The following OSGIN2 variants were observed in gnomAD, a reference collection of about 807,000 sequenced individuals.
OSGIN2 encodes oxidative stress induced growth inhibitor family member 2, also known as oxidative stress-induced growth inhibitor 2.
A neutral mutation model predicts 53.8 loss-of-function variants in OSGIN2; 19 were observed. That is an observed-to-expected ratio of 0.35 (90% CI 0.25 to 0.52). OSGIN2 has a LOEUF of 0.52. Among genes scored for constraint, OSGIN2 ranks in the 20% least tolerant of loss-of-function variants. The probability of loss-of-function intolerance (pLI) is 0.95; values close to 1 mark genes in which losing one functional copy is unlikely to be tolerated. For missense variants in OSGIN2, 520 were observed against 662.7 expected, an observed-to-expected ratio of 0.78 and a Z score of 2.36; for synonymous variants, 236 against 236.0, an observed-to-expected ratio of 1.00 and a Z score of 0.00.
In OSGIN2 at chr8:89,914,766, C is replaced by T. The variant is rs376112174; in HGVS notation, c.528+20C>T. The T allele has an allele frequency of 2.2e-5, 34 of 1,576,656 alleles. No homozygotes were observed. Among genetic ancestry groups the T allele is most frequent in the Non-Finnish European group, 2.2e-5 (25 of 1,147,700 alleles). ...TGGCATGTGAGTATATTTTTCTTAGCATTTTAGTGTATGTGAATTATTTGT... is the reference window on the plus strand; with the variant it reads ...TGGCATGTGAGTATATTTTTCTTAGTATTTTAGTGTATGTGAATTATTTGT... On this transcript the variant is annotated intron_variant, in intron 4 of 5. Coordinates refer to ENST00000451899, the MANE Select transcript of OSGIN2 (RefSeq NM_001126111.3).
Position 89,924,959 on chromosome 8 carries a change from C to A in OSGIN2, c.1077C>A (p.Asp359Glu). The A allele has an allele frequency of 1.2e-6, 2 of 1,613,862 alleles. No individual in the cohort carries two copies. Among genetic ancestry groups the A allele is most frequent in the Non-Finnish European group, 1.7e-6 (2 of 1,179,682 alleles). ...LIVGSGLTAA[D>E]AVLCAYNSNI... ...TAGGTTCTGGGCTTACTGCCGCTGACGCAGTACTGTGTGCTTACAACAGTA... is the reference window on the plus strand; with the variant it reads ...TAGGTTCTGGGCTTACTGCCGCTGAAGCAGTACTGTGTGCTTACAACAGTA... Residue 359 changes from aspartate (D) to glutamate (E), a missense_variant, in exon 6 of 6, where the codon GAC (aspartate) becomes GAA (glutamate). Asp to Glu is a conservative substitution (Grantham distance 45). Transcript: ENST00000451899.
In OSGIN2 at chr8:89,926,678, A is replaced by G. The variant is rs1809340862; in HGVS notation, c.*1146A>G. ...GTTTACTGTCTGTGTTTTCACACAAACTGCTAGAATTTTTAATGTTAAGAC... is the reference window on the plus strand; with the variant it reads ...GTTTACTGTCTGTGTTTTCACACAAGCTGCTAGAATTTTTAATGTTAAGAC... On this transcript the variant is annotated 3_prime_UTR_variant, in exon 6 of 6. Coordinates refer to ENST00000451899, the MANE Select transcript of OSGIN2 (RefSeq NM_001126111.3). The G allele has an allele frequency of 6.6e-6, 1 of 152,214 alleles. No individual in the cohort carries two copies. Among genetic ancestry groups the G allele is most frequent in the Non-Finnish European group, 1.5e-5 (1 of 68,016 alleles). 9.4% of individuals were successfully genotyped at this position (152,214 alleles called of 1,614,324 possible).
In OSGIN2 at chr8:89,926,452, G is replaced by C. The variant is rs1355929825; in HGVS notation, c.*920G>C. On this transcript the variant is annotated 3_prime_UTR_variant, in exon 6 of 6. Transcript: ENST00000451899. ...CTGTCACTGAAACTGAGGTATTTGG[G>C]TGTGGTAAGTACTTCGAAAATTGTA... 1 of 152,602 alleles carries C rather than the reference G, an allele frequency of 6.6e-6. No homozygotes were observed. The highest frequency in any genetic ancestry group is 1.5e-5 in the Non-Finnish European group (1 of 68,010). The allele number at this position is 152,602 out of a possible 1,614,324, so 9.5% of individuals were successfully genotyped here. A position where few individuals can be genotyped will look rare whatever the true frequency, so the allele number is the denominator to read the frequency against.
In OSGIN2 at chr8:89,921,050, C is replaced by G; in HGVS notation, c.529-30C>G. 9 of 1,277,146 alleles carry G rather than the reference C, an allele frequency of 7.0e-6. 1 individual carries two copies. The highest frequency in any genetic ancestry group is 8.9e-6 in the Non-Finnish European group (8 of 902,940). 79.1% of individuals were successfully genotyped at this position (1,277,146 alleles called of 1,614,324 possible). ...AACCATGTTACTTCTTGTTTTTTGA[C>G]GGTACATTTTTTTTTTTAAACTCTA... is the stretch of plus-strand genomic sequence containing the variant. On this transcript the variant is annotated intron_variant, in intron 4 of 5. Coordinates refer to ENST00000451899, the MANE Select transcript of OSGIN2 (RefSeq NM_001126111.3).
Position 89,914,765 on chromosome 8 carries a change from G to A in OSGIN2, c.528+19G>A, listed in dbSNP as rs575388040. ...TTGGCATGTGAGTATATTTTTCTTA[G>A]CATTTTAGTGTATGTGAATTATTTG... On this transcript the variant is annotated intron_variant, in intron 4 of 5. Coordinates refer to ENST00000451899, the MANE Select transcript of OSGIN2 (RefSeq NM_001126111.3). 36 of 1,578,472 alleles carry A rather than the reference G, an allele frequency of 2.3e-5. No individual in the cohort carries two copies. The East Asian group carries it at 7.6e-4, about 33-fold the overall frequency.
At chr8:89,914,532 C>A (rs1173744683) in intron 3 of OSGIN2, 23 bp from the exon 4 acceptor site, 2 of 1,590,816 alleles carry the variant, frequency 1.3e-6, no homozygotes, top group Non-Finnish European at 1.7e-6. Flanking sequence ...TTTTCAAACT[C>A]TGTCTCCCTT....
intron 1 of OSGIN2, among the ~76,000 whole-genome samples, chr8:89,903,375 GATAAA>G (rs1350523049): frequency 1.3e-5 from 2 of 152,118 alleles, no homozygotes; most frequent in Non-Finnish European, 2.9e-5. Flanking sequence ...TTTTAGGGGT[GATAAA>G]ATATAATACA....
chr8:89,919,099 A>G (rs1215525920), intron 4 of OSGIN2, among the ~76,000 whole-genome samples: 1 of 152,090 alleles, frequency 6.6e-6, no homozygotes, highest in Non-Finnish European at 1.5e-5. Flanking sequence ...GTATCTCACC[A>G]TACTCCAATC....
chr8:89,908,189 G>A (rs1375747466), intron 1 of OSGIN2, among the ~76,000 whole-genome samples: 1 of 152,194 alleles, frequency 6.6e-6, no homozygotes, highest in African/African-American at 2.4e-5. Flanking sequence ...TAGTTGGAAT[G>A]AGTCAGAAAT....
At chr8:89,904,012 TG>T (rs538444346) in intron 1 of OSGIN2, among the ~76,000 whole-genome samples, 8 of 152,220 alleles carry the variant, frequency 5.3e-5, no homozygotes, top group Non-Finnish European at 1.0e-4. Flanking sequence ...AGAGAAAGTT[TG>T]GAACTTCTTT....
intron 2 of OSGIN2, among the ~76,000 whole-genome samples, chr8:89,912,933 G>A (rs553939939): frequency 1.2e-4 from 19 of 152,168 alleles, no homozygotes; most frequent in African/African-American, 3.1e-4. Flanking sequence ...GTGGGGGGCC[G>A]CAGGACTGGT....
chr8:89,920,678 C>G (rs1380024369), intron 4 of OSGIN2, among the ~76,000 whole-genome samples: 1 of 152,122 alleles, frequency 6.6e-6, no homozygotes, highest in East Asian at 1.9e-4. Context: ...GGAAAGCCAT[C>G]TAAAATTTTG....
chr8:89,903,537 A>G (rs1808773483), intron 1 of OSGIN2, among the ~76,000 whole-genome samples: 1 of 152,240 alleles, frequency 6.6e-6, no homozygotes, highest in Non-Finnish European at 1.5e-5. Flanking sequence ...CTTGCTTTAC[A>G]TATACTGATG....
chr8:89,903,971 G>T (rs1394886959), intron 1 of OSGIN2, among the ~76,000 whole-genome samples: 2 of 152,144 alleles, frequency 1.3e-5, no homozygotes. Flanking sequence ...GTTAAGAAGC[G>T]TCATCCTATA....
intron 2 of OSGIN2, 150 bp from the exon 3 acceptor site, chr8:89,913,927 G>A (rs1014036244): frequency 1.3e-5 from 9 of 677,026 alleles, no homozygotes; most frequent in Non-Finnish European, 2.3e-5. Flanking sequence ...AGAAGGCAGA[G>A]GTTAAAATCT....
chr8:89,909,037 A>AATATATATATAT (rs1252373741), intron 1 of OSGIN2, among the ~76,000 whole-genome samples: 3 of 84,868 alleles, frequency 3.5e-5, no homozygotes, highest in African/African-American at 2.2e-4. Context: ...AAAAAAAAAA[A>AATATATATATAT]ATATATATAT....
Position 89,912,856 on chromosome 8 carries a change from C to G in OSGIN2, c.200-1221C>G, listed in dbSNP as rs147635844. On this transcript the variant is annotated intron_variant, in intron 2 of 5. Coordinates refer to ENST00000451899, the MANE Select transcript of OSGIN2 (RefSeq NM_001126111.3). Reference sequence around the variant, plus strand: ...ACAGGGGACTAGGGAATAGGTGCTGCTGATTGGTTGGGGATGCCATGCTGG... The same window carrying G: ...ACAGGGGACTAGGGAATAGGTGCTGGTGATTGGTTGGGGATGCCATGCTGG... Among the ~76,000 whole-genome samples the G allele has an allele frequency of 4.6e-4, 70 of 152,036 alleles. 1 individual carries two copies. In the East Asian group the frequency reaches 0.011, roughly 24 times the overall value.
At chr8:89,913,328 G>A (rs866118312) in intron 2 of OSGIN2, among the ~76,000 whole-genome samples, 15 of 151,786 alleles carry the variant, frequency 9.9e-5, no homozygotes, top group Non-Finnish European at 1.2e-4. Context: ...GAAGACAGCC[G>A]GCCTTTGAAG....
In OSGIN2 at chr8:89,924,699, A is replaced by G. The variant is rs1475719238; in HGVS notation, c.817A>G (p.Asn273Asp). Residue 273 changes from asparagine (N) to aspartate (D), a missense_variant, in exon 6 of 6, where the codon AAC becomes GAC. Coordinates refer to ENST00000451899, the MANE Select transcript of OSGIN2 (RefSeq NM_001126111.3). ...AAAGCATTTACAGATAGAGAAGTCAAACTTTATCAAGAGAAACTGGGAAAT... is the reference window on the plus strand; with the variant it reads ...AAAGCATTTACAGATAGAGAAGTCAGACTTTATCAAGAGAAACTGGGAAAT... ...STKHLQIEKS[N>D]FIKRNWEIRG... is the part of the protein sequence containing the mutation. 1 of 1,614,136 alleles carries G rather than the reference A, an allele frequency of 6.2e-7. No homozygotes were observed. The highest frequency in any genetic ancestry group is 1.7e-5 in the Admixed American group (1 of 60,026).
Sources: gnomAD v4.1 joint callset for allele counts (sites outside exome capture counted in the v4.1 genomes callset) on GRCh38, gnomAD v4.1.1 for gene constraint, MANE v1.5 for transcripts, NCBI Gene and HGNC (gene_info 2026-07-23, HGNC 2026-07-21) for gene names.